The following FAAH2 variants were observed in gnomAD, a reference collection of about 807,000 sequenced individuals.
The protein encoded by FAAH2 is fatty acid amide hydrolase 2, also known as fatty-acid amide hydrolase 2.
In FAAH2, 60 loss-of-function variants were observed where a neutral mutation model predicts 36.9. That is an observed-to-expected ratio of 1.63 (90% CI 1.32 to 2.02). The LOEUF (loss-of-function observed/expected upper bound fraction) is 2.02, where lower values mean the gene tolerates loss of function less well. Among genes scored for constraint, FAAH2 ranks in the 30% most tolerant of loss-of-function variants. FAAH2 has a pLI of 0.00. For synonymous variants in FAAH2, 214 were observed against 143.8 expected, an observed-to-expected ratio of 1.49 and a Z score of -3.49; for missense variants, 689 against 397.5, an observed-to-expected ratio of 1.73 and a Z score of -6.23.
chrX:57,220,206 C>A, the FAAH2 span, among the ~76,000 whole-genome samples: 1 of 109,166 alleles, frequency 9.2e-6, no homozygotes, highest in Non-Finnish European at 1.9e-5. Flanking sequence ...TTCCTCTCAA[C>A]CATCTTCTTT....
At chrX:57,381,193 T>A (rs1449671592) in intron 7 of FAAH2, among the ~76,000 whole-genome samples, 164 bp downstream of exon 7, 1 of 111,673 alleles carries the variant, frequency 9.0e-6, no homozygotes, top group African/African-American at 3.3e-5. Flanking sequence ...TCATGGTTAT[T>A]TTAGATATTT....
the FAAH2 span, among the ~76,000 whole-genome samples, chrX:57,150,646 A>C: frequency 9.0e-6 from 1 of 111,673 alleles, no homozygotes; most frequent in Non-Finnish European, 1.9e-5. Context: ...TTTTGAGCCT[A>C]TGTGTATCTC....
chrX:57,488,862 A>T lies in FAAH2; in HGVS notation c.1529A>T (p.His510Leu), dbSNP rs374676251. 2 of 1,211,038 alleles carry T rather than the reference A, an allele frequency of 1.7e-6. No individual in the cohort carries two copies. The highest frequency in any genetic ancestry group is 1.8e-5 in the South Asian group (1 of 56,934). The change falls in exon 11 of 11, where the codon CAT becomes CTT. Residue 510 changes from histidine to leucine, a missense_variant. Physicochemically the swap from His to Leu is moderately conservative, Grantham distance 99. Transcript: ENST00000374900. ...GTTGTGGCTGGACCCTTTAATGATC[A>T]TCTGACCCTGGCTGTGGCCCAGTAC... is the stretch of plus-strand genomic sequence containing the variant. ...IQVVAGPFND[H>L]LTLAVAQYLE...
At chrX:57,381,324 C>T (rs1445949118) in intron 7 of FAAH2, among the ~76,000 whole-genome samples, 1 of 111,449 alleles carries the variant, frequency 9.0e-6, no homozygotes, top group Admixed American at 9.6e-5. Flanking sequence ...TTCTCCTATG[C>T]TAATGTGTAG....
At chrX:57,140,456 G>A in the FAAH2 span, among the ~76,000 whole-genome samples, 78 of 104,633 alleles carry the variant, frequency 7.5e-4, no homozygotes, top group Non-Finnish European at 9.9e-4. Context: ...TTAACCTGGC[G>A]TGGTGGCAGG....
chrX:57,243,804 A>G, the FAAH2 span, among the ~76,000 whole-genome samples: 10 of 111,443 alleles, frequency 9.0e-5, no homozygotes, highest in African/African-American at 2.0e-4. Flanking sequence ...CAAGCGAAAA[A>G]AGGCTGAAAA....
chrX:57,189,599 G>A, the FAAH2 span, among the ~76,000 whole-genome samples: 1 of 110,953 alleles, frequency 9.0e-6, no homozygotes, highest in Non-Finnish European at 1.9e-5. Context: ...TGATGTTGAT[G>A]GTATTGCTTT....
At chrX:57,221,342 G>T in the FAAH2 span, among the ~76,000 whole-genome samples, 1 of 110,702 alleles carries the variant, frequency 9.0e-6, no homozygotes, top group Non-Finnish European at 1.9e-5. Context: ...ACTTTTTCTT[G>T]TCCCCCATCT....
intron 7 of FAAH2, chrX:57,393,386 T>C: frequency 2.7e-6 from 2 of 732,852 alleles, no homozygotes; most frequent in African/African-American, 4.1e-5. Context: ...GAGACCGGAA[T>C]ACTGGGATTT....
intron 8 of FAAH2, among the ~76,000 whole-genome samples, chrX:57,436,474 C>T (rs2056413779): frequency 9.1e-6 from 1 of 109,512 alleles, no homozygotes; most frequent in East Asian, 2.9e-4. Flanking sequence ...CAAAATAATC[C>T]ACTATCCAGA....
At chrX:57,398,620 G>T in intron 7 of FAAH2, among the ~76,000 whole-genome samples, 1 of 110,459 alleles carries the variant, frequency 9.1e-6, no homozygotes, top group East Asian at 2.8e-4. Flanking sequence ...TGACCCAAAG[G>T]GGGTTGTCGC....
At chrX:57,233,218 TGATA>T in the FAAH2 span, among the ~76,000 whole-genome samples, 2 of 111,668 alleles carry the variant, frequency 1.8e-5, no homozygotes, top group Admixed American at 1.9e-4. Context: ...GGTGGTCACG[TGATA>T]GATAGTGTGG....
intron 5 of FAAH2, among the ~76,000 whole-genome samples, chrX:57,358,381 C>A (rs141152398): frequency 9.5e-4 from 105 of 110,782 alleles, no homozygotes; most frequent in Admixed American, 8.0e-3. Flanking sequence ...TCCTGACAAT[C>A]ATCATTTCAC....
At chrX:57,411,318 C>G (rs1260816715) in intron 7 of FAAH2, among the ~76,000 whole-genome samples, 1 of 111,798 alleles carries the variant, frequency 8.9e-6, no homozygotes, top group Non-Finnish European at 1.9e-5. Context: ...CCAGAAGATT[C>G]AAGCTGACTG....
intron 7 of FAAH2, chrX:57,394,656 TCACC>T: frequency 3.1e-6 from 3 of 959,074 alleles, no homozygotes; most frequent in Non-Finnish European, 4.5e-6. Flanking sequence ...GTATGCCACA[TCACC>T]CACAACTTTT....
the FAAH2 span, among the ~76,000 whole-genome samples, chrX:57,215,343 A>G: frequency 8.9e-6 from 1 of 111,913 alleles, no homozygotes; most frequent in African/African-American, 3.2e-5. Flanking sequence ...GTGAATAAAT[A>G]GGAATGCTTT....
intron 10 of FAAH2, among the ~76,000 whole-genome samples, chrX:57,485,583 G>A (rs755354319): frequency 9.0e-6 from 1 of 111,530 alleles, no homozygotes; most frequent in African/African-American, 3.3e-5. Context: ...TTAAACATTG[G>A]TTATTTTGAT....
At chrX:57,407,295 C>T (rs979940172) in intron 7 of FAAH2, among the ~76,000 whole-genome samples, 8 of 111,838 alleles carry the variant, frequency 7.2e-5, no homozygotes, top group African/African-American at 2.6e-4. Flanking sequence ...ATGGCACCTT[C>T]CACCTGAATT....
chrX:57,259,272 A>G, the FAAH2 span, among the ~76,000 whole-genome samples: 7 of 111,783 alleles, frequency 6.3e-5, no homozygotes, highest in Admixed American at 3.8e-4. Context: ...AAGAGAGAAA[A>G]ATTACTATTT....
Sources: gnomAD v4.1 joint callset for allele counts (sites outside exome capture counted in the v4.1 genomes callset) on GRCh38, gnomAD v4.1.1 for gene constraint, MANE v1.5 for transcripts, NCBI Gene and HGNC (gene_info 2026-07-23, HGNC 2026-07-21) for gene names.